Variants in STAU2 observed in about 807,000 individuals in gnomAD.
STAU2 encodes the protein staufen double-stranded RNA binding protein 2, also known as double-stranded RNA-binding protein Staufen homolog 2.
A neutral mutation model predicts 65.9 loss-of-function variants in STAU2; 20 were observed. The observed-to-expected ratio is 0.30, with a 90% CI of 0.21 to 0.44. The LOEUF is 0.44. Ranked by LOEUF, STAU2 falls within the 20% of genes least tolerant of loss-of-function variation. STAU2 has a pLI of 1.00. For missense variants in STAU2, 558 were observed against 683.9 expected (o/e 0.82, Z 2.05); for synonymous variants, 232 against 233.9 (o/e 0.99, Z 0.07).
intron 13 of STAU2, among the ~76,000 whole-genome samples, chr8:73,494,375 C>T (rs34498169): frequency 0.11 from 16,456 of 151,546 alleles, 1,198 homozygotes; most frequent in African/African-American, 0.21. Context: ...TGTGGGTATT[C>T]ACTATAAAAT....
chr8:73,705,326 T>C (rs936092084), intron 4 of STAU2, among the ~76,000 whole-genome samples: 5 of 152,200 alleles, frequency 3.3e-5, no homozygotes, highest in Non-Finnish European at 7.3e-5. Flanking sequence ...CGAAGATTTT[T>C]TTTTAAAGAC....
At chr8:73,728,863 GCAAA>G (rs1401324069) in intron 3 of STAU2, among the ~76,000 whole-genome samples, 1 of 152,150 alleles carries the variant, frequency 6.6e-6, no homozygotes, top group Non-Finnish European at 1.5e-5. Flanking sequence ...CATGTCATCT[GCAAA>G]CAGAGACAGT....
chr8:73,531,191 C>G (rs2128933149), intron 13 of STAU2, among the ~76,000 whole-genome samples: 1 of 152,284 alleles, frequency 6.6e-6, no homozygotes, highest in Admixed American at 6.5e-5. Context: ...TGTCCCTCCT[C>G]TAAGTCTCTG....
At position 73,746,790 on chromosome 8, in the gene STAU2, C is replaced by T; in HGVS notation, c.-204G>A. 1 of 1,232,188 alleles carries T rather than the reference C, an allele frequency of 8.1e-7. No homozygotes were observed. The highest frequency in any genetic ancestry group is 1.0e-6 in the Non-Finnish European group (1 of 987,012). 76.3% of individuals were successfully genotyped at this position (1,232,188 alleles called of 1,614,324 possible). On this transcript the variant is annotated 5_prime_UTR_variant, in exon 1 of 15. Coordinates refer to ENST00000524300, the MANE Select transcript of STAU2 (RefSeq NM_001164380.2). ...CCCGATGAGGGTATTTACCTTCTTG[C>T]CGGGGACACTTTGCAGACGGCTCCA...
At chr8:73,686,525 G>C (rs1186306171) in intron 5 of STAU2, among the ~76,000 whole-genome samples, 1 of 150,780 alleles carries the variant, frequency 6.6e-6, no homozygotes, top group Non-Finnish European at 1.5e-5. Flanking sequence ...ACTCCAGCCT[G>C]GTGACAGAGC....
At chr8:73,728,494 TG>T (rs1455877571) in intron 3 of STAU2, among the ~76,000 whole-genome samples, 1 of 151,982 alleles carries the variant, frequency 6.6e-6, no homozygotes, top group Non-Finnish European at 1.5e-5. Flanking sequence ...AATGGAATTT[TG>T]ATAGAGATTG....
At chr8:73,620,053 A>G (rs1399949645) in intron 6 of STAU2, among the ~76,000 whole-genome samples, 2 of 152,228 alleles carry the variant, frequency 1.3e-5, no homozygotes. Flanking sequence ...ACTGAAGTGC[A>G]CAATTTCCTA....
At chr8:73,637,215 G>A (rs1586168403) in intron 6 of STAU2, among the ~76,000 whole-genome samples, 1 of 150,346 alleles carries the variant, frequency 6.7e-6, no homozygotes. Flanking sequence ...GAAAAGGGGG[G>A]AACAGAAAAA....
At chr8:73,467,875 C>G (rs1403821647) in intron 13 of STAU2, among the ~76,000 whole-genome samples, 1 of 152,156 alleles carries the variant, frequency 6.6e-6, no homozygotes, top group Non-Finnish European at 1.5e-5. Context: ...AATGGCCATA[C>G]TGCCCAAGAT....
chr8:73,438,454 C>T (rs1320864658), intron 13 of STAU2, among the ~76,000 whole-genome samples: 1 of 152,182 alleles, frequency 6.6e-6, no homozygotes, highest in Non-Finnish European at 1.5e-5. Flanking sequence ...TGGGGTGAGC[C>T]ACAGGGAGCT....
intron 10 of STAU2, among the ~76,000 whole-genome samples, chr8:73,598,669 A>C (rs1206896198): frequency 2.0e-5 from 3 of 152,196 alleles, no homozygotes; most frequent in Non-Finnish European, 4.4e-5. Context: ...TTAACAGTTT[A>C]CACAAATCCT....
intron 10 of STAU2, among the ~76,000 whole-genome samples, chr8:73,602,043 C>T (rs1350639859): frequency 6.6e-6 from 1 of 152,026 alleles, no homozygotes; most frequent in Non-Finnish European, 1.5e-5. Context: ...CAGAGAATTC[C>T]CCTCTTTTTG....
At chr8:73,745,885 A>C (rs1807234217) in intron 1 of STAU2, among the ~76,000 whole-genome samples, 1 of 152,104 alleles carries the variant, frequency 6.6e-6, no homozygotes, top group Non-Finnish European at 1.5e-5. Flanking sequence ...CGCCTCCCTA[A>C]GAATCCCAGA....
chr8:73,673,468 T>A (rs770785993), intron 5 of STAU2, among the ~76,000 whole-genome samples: 4 of 152,078 alleles, frequency 2.6e-5, no homozygotes, highest in Non-Finnish European at 4.4e-5. Flanking sequence ...TGACAAAAAA[T>A]CTGAGTGTGC....
chr8:73,607,528 G>A (rs997029689), intron 9 of STAU2, among the ~76,000 whole-genome samples: 5 of 151,744 alleles, frequency 3.3e-5, no homozygotes, highest in South Asian at 4.2e-4. Context: ...TCGGGAGTTC[G>A]AGACCAGCCT....
intron 3 of STAU2, among the ~76,000 whole-genome samples, chr8:73,721,116 CAAAAAA>C (rs1159562570): frequency 6.9e-5 from 3 of 43,674 alleles, no homozygotes; most frequent in African/African-American, 1.6e-4. Flanking sequence ...CCCAACACTA[CAAAAAA>C]AAAAAAAAAA....
chr8:73,507,225 A>G (rs1446254542), intron 13 of STAU2, among the ~76,000 whole-genome samples: 1 of 138,356 alleles, frequency 7.2e-6, no homozygotes, highest in Non-Finnish European at 1.6e-5. Flanking sequence ...CATCAGAGGA[A>G]TAACTATCTA....
Position 73,519,263 on chromosome 8 carries a change from T to C in STAU2, c.1530+32749A>G, listed in dbSNP as rs906413784. On this transcript the variant is annotated intron_variant, in intron 13 of 14. Transcript: ENST00000524300. ...TAGGATGAAGACATGGAATCTGTTA[T>C]TATGCAATGTCACTTAAGTATGTCT... is the stretch of plus-strand genomic sequence containing the variant. Among the ~76,000 whole-genome samples the C allele has an allele frequency of 6.6e-5, 10 of 152,164 alleles. No homozygotes were observed. In the East Asian group the frequency reaches 1.9e-3, roughly 29 times the overall value.
chr8:73,671,336 C>T (rs35347507), intron 6 of STAU2, among the ~76,000 whole-genome samples: 10,980 of 151,592 alleles, frequency 0.072, 434 homozygotes, highest in Middle Eastern at 0.14. Context: ...GCTGAGACCA[C>T]ACCATGGCAC....
Sources: gnomAD v4.1 joint callset for allele counts (sites outside exome capture counted in the v4.1 genomes callset) on GRCh38, gnomAD v4.1.1 for gene constraint, MANE v1.5 for transcripts, NCBI Gene and HGNC (gene_info 2026-07-23, HGNC 2026-07-21) for gene names.